ZFPM2: variants seen among roughly 807,000 people sequenced by gnomAD.
ZFPM2 encodes the protein zinc finger protein, FOG family member 2.
In ZFPM2, 20 loss-of-function variants were observed where a neutral mutation model predicts 98.6. The observed-to-expected ratio is 0.20, with a 90% confidence interval of 0.14 to 0.29. The LOEUF is 0.29. Ranked by LOEUF, ZFPM2 falls within the 10% of genes least tolerant of loss-of-function variation. The probability of loss-of-function intolerance (pLI) is 1.00; values close to 1 mark genes in which losing one functional copy is unlikely to be tolerated. For missense variants in ZFPM2, 1,310 were observed against 1,388.6 expected, an observed-to-expected ratio of 0.94 and a Z score of 0.90; for synonymous variants, 518 against 502.7, an observed-to-expected ratio of 1.03 and a Z score of -0.41.
At chr8:105,335,350 G>A (rs1812308589) in intron 1 of ZFPM2, among the ~76,000 whole-genome samples, 1 of 151,726 alleles carries the variant, frequency 6.6e-6, no homozygotes, top group African/African-American at 2.4e-5. Flanking sequence ...AACCTAGGTA[G>A]TGCTGAAGAT....
chr8:105,625,472 T>G (rs1470664624), intron 4 of ZFPM2, among the ~76,000 whole-genome samples: 1 of 152,186 alleles, frequency 6.6e-6, no homozygotes, highest in Non-Finnish European at 1.5e-5. Flanking sequence ...TTTTACTCCA[T>G]TTTTCAATAG....
intron 5 of ZFPM2, among the ~76,000 whole-genome samples, chr8:105,638,435 G>A (rs1816890073): frequency 6.6e-6 from 1 of 151,982 alleles, no homozygotes; most frequent in Non-Finnish European, 1.5e-5. Context: ...AGTCTAAAAA[G>A]CTCTCATGGA....
chr8:105,501,563 G>T (rs1813596763), intron 3 of ZFPM2, among the ~76,000 whole-genome samples: 1 of 151,426 alleles, frequency 6.6e-6, no homozygotes, highest in African/African-American at 2.4e-5. Flanking sequence ...GAGTGCAGTG[G>T]CACCATCTTG....
intron 5 of ZFPM2, among the ~76,000 whole-genome samples, chr8:105,656,482 C>G (rs537798641): frequency 3.4e-4 from 52 of 152,260 alleles, no homozygotes; most frequent in East Asian, 1.4e-3. Flanking sequence ...TGTCTCCCCC[C>G]ACCAACCACA....
intron 3 of ZFPM2, among the ~76,000 whole-genome samples, chr8:105,494,417 T>TTG (rs1380740655): frequency 6.6e-6 from 1 of 151,632 alleles, no homozygotes; most frequent in Non-Finnish European, 1.5e-5. Flanking sequence ...CTCTCCTCTC[T>TTG]TGTATCTGTC....
chr8:105,348,705 A>G (rs1294359626), intron 1 of ZFPM2, among the ~76,000 whole-genome samples: 2 of 152,224 alleles, frequency 1.3e-5, no homozygotes, highest in African/African-American at 4.8e-5. Context: ...GTATAGCAGT[A>G]AACCAATAAA....
chr8:105,462,006 A>T (rs1812712417), intron 3 of ZFPM2, among the ~76,000 whole-genome samples: 1 of 152,254 alleles, frequency 6.6e-6, no homozygotes, highest in East Asian at 1.9e-4. Context: ...AGATTCCCCT[A>T]CCTAATTGGA....
chr8:105,502,941 A>G (rs759518859), intron 3 of ZFPM2, among the ~76,000 whole-genome samples: 4 of 152,126 alleles, frequency 2.6e-5, no homozygotes, highest in Non-Finnish European at 5.9e-5. Flanking sequence ...AAGACCAGTT[A>G]TGTTTCTGTT....
chr8:105,392,467 G>A (rs564175153), intron 1 of ZFPM2, among the ~76,000 whole-genome samples: 6 of 152,236 alleles, frequency 3.9e-5, no homozygotes, highest in African/African-American at 9.6e-5. Flanking sequence ...AAGCCACATC[G>A]TAGCACATAT....
chr8:105,726,532 G>C (rs756874794), intron 5 of ZFPM2, among the ~76,000 whole-genome samples: 1 of 151,788 alleles, frequency 6.6e-6, no homozygotes, highest in Non-Finnish European at 1.5e-5. Context: ...ATTAGGACTG[G>C]TCAGTAAATA....
chr8:105,746,778 CTT>C (rs1812359270), intron 5 of ZFPM2, among the ~76,000 whole-genome samples: 1 of 149,004 alleles, frequency 6.7e-6, no homozygotes, highest in South Asian at 2.1e-4. Context: ...CTCTGTTTCT[CTT>C]GTTAAGGCCG....
At chr8:105,345,178 G>A (rs542031030) in intron 1 of ZFPM2, among the ~76,000 whole-genome samples, 13 of 151,980 alleles carry the variant, frequency 8.6e-5, no homozygotes, top group Non-Finnish European at 1.6e-4. Flanking sequence ...TATCAAATCC[G>A]GTGAAGCCAG....
At chr8:105,724,463 G>A (rs1811757816) in intron 5 of ZFPM2, among the ~76,000 whole-genome samples, 1 of 151,648 alleles carries the variant, frequency 6.6e-6, no homozygotes, top group Non-Finnish European at 1.5e-5. Flanking sequence ...TTATGGTATT[G>A]CACTAAACAC....
chr8:105,715,510 T>C (rs1395344438), intron 5 of ZFPM2, among the ~76,000 whole-genome samples: 2 of 152,010 alleles, frequency 1.3e-5, no homozygotes, highest in Non-Finnish European at 2.9e-5. Context: ...TTGTATACTT[T>C]ATTATTATGT....
intron 4 of ZFPM2, among the ~76,000 whole-genome samples, chr8:105,586,392 G>T (rs575289861): frequency 6.7e-6 from 1 of 150,228 alleles, no homozygotes. Flanking sequence ...ACACGCAACC[G>T]AGTTGTGCTG....
intron 3 of ZFPM2, among the ~76,000 whole-genome samples, chr8:105,560,701 C>T (rs1181464218): frequency 6.6e-6 from 1 of 151,706 alleles, no homozygotes; most frequent in Non-Finnish European, 1.5e-5. Context: ...TCTTTACTTC[C>T]TATTTCCCTT....
At chr8:105,760,500 A>G (rs1812709826) in intron 5 of ZFPM2, among the ~76,000 whole-genome samples, 1 of 152,102 alleles carries the variant, frequency 6.6e-6, no homozygotes, top group African/African-American at 2.4e-5. Context: ...AATCAAAGCA[A>G]ACATAAACTT....
At chr8:105,330,597 T>TATATATATATACAC (rs1563606772) in intron 1 of ZFPM2, among the ~76,000 whole-genome samples, 1 of 71,440 alleles carries the variant, frequency 1.4e-5, no homozygotes, top group African/African-American at 5.3e-5. Flanking sequence ...TATATATACA[T>TATATATATATACAC]ATATATATAT....
chr8:105,795,622 A>C (rs964095483), intron 6 of ZFPM2: 3 of 190,832 alleles, frequency 1.6e-5, no homozygotes, highest in African/African-American at 7.2e-5. Flanking sequence ...AAAAAAAAAA[A>C]GAAAGAAATG....
Sources: gnomAD v4.1 joint callset for allele counts (sites outside exome capture counted in the v4.1 genomes callset) on GRCh38, gnomAD v4.1.1 for gene constraint, MANE v1.5 for transcripts, NCBI Gene and HGNC (gene_info 2026-07-23, HGNC 2026-07-21) for gene names.